Variants in COMMD1 observed in about 807,000 individuals in gnomAD.
COMMD1 encodes the protein copper metabolism domain containing 1, also known as COMM domain-containing protein 1.
COMMD1 carries 10 observed loss-of-function variants against 17.2 expected under a neutral mutation model. The observed-to-expected ratio is 0.58, with a 90% CI of 0.36 to 0.99. The LOEUF is 0.99. Among genes scored for constraint, COMMD1 ranks in the 50% least tolerant of loss-of-function variants. The pLI is 0.01. For synonymous variants in COMMD1, 97 were observed against 91.6 expected (o/e 1.06, Z -0.34); for missense variants, 270 against 231.8 (o/e 1.17, Z -1.07).
intron 1 of COMMD1, among the ~76,000 whole-genome samples, chr2:61,980,476 G>A (rs1349335133): frequency 1.2e-5 from 1 of 80,080 alleles, no homozygotes. Context: ...TAGTGGTTTT[G>A]ATTTGCATTT....
rs546693855 is a variant in COMMD1, at chr2:62,034,691, A to G, written c.462+33709A>G. On this transcript the variant is annotated intron_variant, in intron 2 of 2. Coordinates refer to ENST00000311832, the MANE Select transcript of COMMD1 (RefSeq NM_152516.4). ...GAAGTTGTTATAGTATAAAATACAC[A>G]GTATAGTTGCCAGTCACTATGTGTA... is the stretch of plus-strand genomic sequence containing the variant. Among the ~76,000 whole-genome samples, 402 of 152,276 alleles carry G rather than the reference A, an allele frequency of 2.6e-3. 1 individual carries two copies. The highest frequency in any genetic ancestry group is 4.8e-3 in the Non-Finnish European group (329 of 68,016).
chr2:61,920,345 G>A (rs746697436), intron 1 of COMMD1, among the ~76,000 whole-genome samples: 33 of 151,830 alleles, frequency 2.2e-4, no homozygotes, highest in Non-Finnish European at 4.1e-4. Context: ...CCCAGGAGAA[G>A]GTTCAATGGA....
chr2:61,888,500 T>A, upstream of COMMD1: 3 of 1,611,710 alleles, frequency 1.9e-6, no homozygotes, highest in Non-Finnish European at 2.5e-6. Context: ...TGCCACATTC[T>A]CGGGCATGGC....
intron 2 of COMMD1, among the ~76,000 whole-genome samples, chr2:62,132,589 T>C (rs912817235): frequency 2.6e-5 from 4 of 152,166 alleles, no homozygotes; most frequent in Admixed American, 6.5e-5. Context: ...CTCACGCCTG[T>C]AATCCCAGCT....
intron 1 of COMMD1, among the ~76,000 whole-genome samples, chr2:61,987,460 C>A (rs779430312): frequency 1.3e-5 from 2 of 152,150 alleles, no homozygotes; most frequent in African/African-American, 4.8e-5. Flanking sequence ...CCTTGGTGGT[C>A]TTGGATAAGA....
intron 1 of COMMD1, among the ~76,000 whole-genome samples, chr2:61,909,035 T>C (rs963497293): frequency 6.6e-6 from 1 of 152,144 alleles, no homozygotes; most frequent in Admixed American, 6.6e-5. Context: ...TTCAAGCAAT[T>C]GTCCTGCCTC....
Position 61,930,617 on chromosome 2 carries a change from TTGTGTGTGTGTGTGTG to T in COMMD1, c.180+24784_180+24799del, listed in dbSNP as rs59488185. ...AGACTATTGGATAAACCACAGGGTT[TTGTGTGTGTGTGTGTG>T]TGTGTGTGTGTGTGTGTGTGTGTGA... On this transcript the variant is annotated intron_variant, in intron 1 of 2. Transcript: ENST00000311832. 9.6e-5 allele frequency among the ~76,000 whole-genome samples: 14 copies of T among 146,162 alleles called. No individual in the cohort carries two copies. In the South Asian group the frequency reaches 1.1e-3, roughly 12 times the overall value.
At chr2:62,062,926 A>G (rs961267481) in intron 2 of COMMD1, among the ~76,000 whole-genome samples, 2 of 151,844 alleles carry the variant, frequency 1.3e-5, no homozygotes, top group African/African-American at 4.8e-5. Context: ...AACTTTAAAT[A>G]TTAGTAGGCT....
At chr2:61,949,224 C>T (rs569634204) in intron 1 of COMMD1, among the ~76,000 whole-genome samples, 205 of 152,274 alleles carry the variant, frequency 1.3e-3, no homozygotes, top group Non-Finnish European at 2.4e-3. Flanking sequence ...ATATAGTCAG[C>T]AGGGTTTTGA....
At chr2:62,108,068 C>T (rs1269346267) in intron 2 of COMMD1, among the ~76,000 whole-genome samples, 3 of 152,130 alleles carry the variant, frequency 2.0e-5, no homozygotes, top group African/African-American at 7.2e-5. Flanking sequence ...CATGTTTGCC[C>T]AGCCTGAACT....
chr2:62,012,114 G>T (rs1202226208), intron 2 of COMMD1, among the ~76,000 whole-genome samples: 1 of 151,930 alleles, frequency 6.6e-6, no homozygotes, highest in Non-Finnish European at 1.5e-5. Flanking sequence ...AGCTGGGGCT[G>T]GGTGTGGTGG....
intron 1 of COMMD1, among the ~76,000 whole-genome samples, chr2:61,956,312 G>C (rs1297374511): frequency 6.6e-6 from 1 of 152,178 alleles, no homozygotes; most frequent in African/African-American, 2.4e-5. Context: ...CTGTTCCACA[G>C]ATCTGTATCA....
intron 1 of COMMD1, among the ~76,000 whole-genome samples, chr2:61,907,010 G>T (rs1287436243): frequency 6.6e-6 from 1 of 152,198 alleles, no homozygotes; most frequent in Non-Finnish European, 1.5e-5. Context: ...ATTGTCTCAT[G>T]GAAATGTAAG....
At chr2:62,106,474 G>A (rs1049725011) in intron 2 of COMMD1, among the ~76,000 whole-genome samples, 3 of 152,158 alleles carry the variant, frequency 2.0e-5, no homozygotes, top group African/African-American at 7.2e-5. Flanking sequence ...TACCCTTGCT[G>A]TGTGAATAGT....
intron 2 of COMMD1, among the ~76,000 whole-genome samples, chr2:62,017,965 G>A (rs747859541): frequency 1.3e-5 from 2 of 150,708 alleles, no homozygotes; most frequent in African/African-American, 2.4e-5. Flanking sequence ...GATCACTGGA[G>A]CCTGGGAGGG....
At position 61,990,899 on chromosome 2, in the gene COMMD1, T is replaced by TACACAC. The variant is rs1229251159; in HGVS notation, c.181-9801_181-9800insCACACA. Among the ~76,000 whole-genome samples the TACACAC allele has an allele frequency of 1.3e-4, 9 of 69,294 alleles. No individual in the cohort carries two copies. The South Asian group carries it at 3.2e-3, about 25-fold the overall frequency. The allele number at this position is 69,294 out of a possible 152,430, so 45.5% of individuals were successfully genotyped here. On this transcript the variant is annotated intron_variant, in intron 1 of 2. Transcript: ENST00000311832. ...TTACAAAAAAAAAAAAAAATATATA[T>TACACAC]ATATACACACACACACACACACACA... is the stretch of plus-strand genomic sequence containing the variant.
In COMMD1 at chr2:62,135,863, G is replaced by A. The variant is rs1444318730; in HGVS notation, c.495G>A (p.Glu165=). ...ESEFLCLEFD[E]VKVNQILKTL... is the part of the protein sequence containing the mutation. ...AATTTCTGTGTTTGGAATTTGATGA[G>A]GTCAAAGTCAACCAAATTCTGAAGA... The change falls in exon 3 of 3, where the codon GAG becomes GAA. Residue 165 remains glutamate, a synonymous_variant. Transcript: ENST00000311832. 3 of 1,591,952 alleles carry A rather than the reference G, an allele frequency of 1.9e-6. No individual in the cohort carries two copies. Among genetic ancestry groups the A allele is most frequent in the South Asian group, 1.1e-5 (1 of 90,684 alleles).
chr2:61,903,466 C>G (rs1474879214), upstream of COMMD1, among the ~76,000 whole-genome samples: 1 of 151,218 alleles, frequency 6.6e-6, no homozygotes, highest in Non-Finnish European at 1.5e-5. Context: ...AAGAATACCT[C>G]TTTACTGGAT....
intron 1 of COMMD1, among the ~76,000 whole-genome samples, chr2:61,990,168 G>A (rs541312640): frequency 1.2e-4 from 19 of 152,312 alleles, no homozygotes; most frequent in African/African-American, 3.8e-4. Flanking sequence ...GAGCTCAAAA[G>A]CAATGGTAGG....
Sources: gnomAD v4.1 joint callset for allele counts (sites outside exome capture counted in the v4.1 genomes callset) on GRCh38, gnomAD v4.1.1 for gene constraint, MANE v1.5 for transcripts, NCBI Gene and HGNC (gene_info 2026-07-23, HGNC 2026-07-21) for gene names.